DYNC2LI1: variants seen among roughly 807,000 people sequenced by gnomAD.
DYNC2LI1 encodes the protein cytoplasmic dynein 2 light intermediate chain 1.
Under a neutral mutation model 51.9 loss-of-function variants are expected in DYNC2LI1, and 45 were observed. That is an observed-to-expected ratio of 0.87 (90% CI 0.68 to 1.11). The LOEUF is 1.11. Among genes scored for constraint, DYNC2LI1 ranks in the 50% most tolerant of loss-of-function variants. The pLI, the probability that DYNC2LI1 is intolerant of heterozygous loss-of-function variation, is 0.00. For missense variants in DYNC2LI1, 490 were observed against 417.4 expected, an observed-to-expected ratio of 1.17 and a Z score of -1.51; for synonymous variants, 130 against 137.8, an observed-to-expected ratio of 0.94 and a Z score of 0.40.
intron 12 of DYNC2LI1, among the ~76,000 whole-genome samples, chr2:43,807,949 C>G (rs1666330597): frequency 6.6e-6 from 1 of 151,920 alleles, no homozygotes; most frequent in African/African-American, 2.4e-5. Flanking sequence ...TCCTTTTTCT[C>G]CCTCTGGCAT....
intron 9 of DYNC2LI1, 196 bp from the exon 10 acceptor site, chr2:43,801,441 TCC>T: frequency 7.2e-6 from 3 of 417,914 alleles, no homozygotes; most frequent in Non-Finnish European, 1.3e-5. Context: ...TCACTTTTTT[TCC>T]TATAAAATGT....
In DYNC2LI1 at chr2:43,776,780, A is replaced by G; in HGVS notation, c.9-2A>G. Reference sequence around the variant, plus strand: ...ATTTTGTTTTTTCTGCCTCTCATGTAGTGAAACTCTCTGGGAAATTGCAAA... The same window carrying G: ...ATTTTGTTTTTTCTGCCTCTCATGTGGTGAAACTCTCTGGGAAATTGCAAA... On this transcript the variant is annotated splice_acceptor_variant, in intron 1 of 12. Coordinates refer to ENST00000260605, the MANE Select transcript of DYNC2LI1 (RefSeq NM_016008.4). LOFTEE classifies it high-confidence loss of function. The G allele has an allele frequency of 5.2e-6, 8 of 1,527,846 alleles. No individual in the cohort carries two copies. Among genetic ancestry groups the G allele is most frequent in the Non-Finnish European group, 7.1e-6 (8 of 1,119,194 alleles). 94.6% of individuals were successfully genotyped at this position (1,527,846 alleles called of 1,614,324 possible).
intron 5 of DYNC2LI1, among the ~76,000 whole-genome samples, chr2:43,790,002 C>G (rs191084774): frequency 0.046 from 7,011 of 152,230 alleles, 321 homozygotes; most frequent in African/African-American, 0.11. Flanking sequence ...TACACTTGGG[C>G]AGTGAATTCA....
rs149205600 is a variant in DYNC2LI1 at position 43,793,051 on chromosome 2, T to C, written c.321-1406T>C. The C allele has an allele frequency of 2.3e-3, 681 of 293,582 alleles. 9 individuals are homozygous for C. The highest frequency in any genetic ancestry group is 0.014 in the African/African-American group (645 of 45,468). The allele number at this position is 293,582 out of a possible 1,614,324, so 18.2% of individuals were successfully genotyped here. On this transcript the variant is annotated intron_variant, in intron 5 of 12. Transcript: ENST00000260605. The stretch of plus-strand genomic sequence containing the variant: ...ATTGCTGGATCATCTGGTAATTCTA[T>C]GGTGAATTTTTTGAGGAATCACTAT...
At chr2:43,784,444 C>T (rs1298283139) in intron 3 of DYNC2LI1, among the ~76,000 whole-genome samples, 2 of 145,916 alleles carry the variant, frequency 1.4e-5, no homozygotes, top group African/African-American at 5.0e-5. Flanking sequence ...TTCTTTCTTT[C>T]TTTTTTTTTT....
chr2:43,813,331 G>A, downstream of DYNC2LI1: 1 of 1,542,984 alleles, frequency 6.5e-7, no homozygotes, highest in South Asian at 1.1e-5. Flanking sequence ...AAGATTGACA[G>A]TGTCAGGTGT....
the DYNC2LI1 span, among the ~76,000 whole-genome samples, chr2:43,817,439 C>T: frequency 1.3e-5 from 2 of 152,040 alleles, no homozygotes; most frequent in African/African-American, 2.4e-5. Context: ...GAGCCGAGAT[C>T]GTGCCATTGC....
intron 8 of DYNC2LI1, among the ~76,000 whole-genome samples, chr2:43,798,743 T>A (rs1572714588): frequency 1.3e-5 from 2 of 152,050 alleles, no homozygotes; most frequent in South Asian, 2.1e-4. Context: ...AGGAACAGGG[T>A]TTGGGTTAGT....
chr2:43,782,928 G>T (rs1409690862), intron 2 of DYNC2LI1, among the ~76,000 whole-genome samples: 1 of 152,140 alleles, frequency 6.6e-6, no homozygotes, highest in African/African-American at 2.4e-5. Flanking sequence ...GTTGCAGTGA[G>T]CCAAGATCAT....
the DYNC2LI1 span, among the ~76,000 whole-genome samples, chr2:43,815,998 G>T: frequency 6.6e-6 from 1 of 151,970 alleles, no homozygotes; most frequent in Non-Finnish European, 1.5e-5. Context: ...CCATGAGATG[G>T]TGGCTGCCTA....
intron 12 of DYNC2LI1, 57 bp downstream of exon 12, chr2:43,805,303 T>C (rs1362413293): frequency 1.8e-6 from 2 of 1,128,084 alleles, no homozygotes; most frequent in Admixed American, 1.9e-5. Flanking sequence ...AAACCTGGGG[T>C]GCCTTGGGAA....
At chr2:43,815,595 A>T in the DYNC2LI1 span, among the ~76,000 whole-genome samples, 1 of 152,202 alleles carries the variant, frequency 6.6e-6, no homozygotes, top group Non-Finnish European at 1.5e-5. Flanking sequence ...ATTGAAAAGG[A>T]TACGTGGGAC....
chr2:43,798,765 G>C (rs1040491860), intron 8 of DYNC2LI1, among the ~76,000 whole-genome samples: 4 of 152,146 alleles, frequency 2.6e-5, no homozygotes, highest in African/African-American at 9.7e-5. Flanking sequence ...GAGTACTTCT[G>C]GACCACCAAA....
chr2:43,826,300 A>G, the DYNC2LI1 span: 3 of 1,601,848 alleles, frequency 1.9e-6, no homozygotes, highest in Non-Finnish European at 2.6e-6. Context: ...GTGCCTGGCC[A>G]CTGGTACAAA....
At chr2:43,776,185 A>G (rs1264329164) in intron 1 of DYNC2LI1, among the ~76,000 whole-genome samples, 2 of 151,804 alleles carry the variant, frequency 1.3e-5, no homozygotes, top group Non-Finnish European at 2.9e-5. Context: ...TCCCTCCCCC[A>G]TGCTAATTTA....
intron 3 of DYNC2LI1, 68 bp downstream of exon 3, chr2:43,783,622 A>C (rs1044725629): frequency 9.7e-7 from 1 of 1,031,058 alleles, no homozygotes; most frequent in Non-Finnish European, 1.4e-6. Flanking sequence ...AGTTAGCTCT[A>C]AAAGACATAA....
chr2:43,799,823 TAA>T, intron 8 of DYNC2LI1, among the ~76,000 whole-genome samples: 1 of 152,324 alleles, frequency 6.6e-6, no homozygotes, highest in East Asian at 1.9e-4. Context: ...AAAATTCAGT[TAA>T]AGTTTTCTGT....
At chr2:43,782,662 C>T (rs972806152) in intron 2 of DYNC2LI1, among the ~76,000 whole-genome samples, 3 of 151,916 alleles carry the variant, frequency 2.0e-5, no homozygotes, top group Non-Finnish European at 4.4e-5. Context: ...GGAATTAGGC[C>T]AGAACTTGTA....
chr2:43,806,142 A>G (rs779514486), intron 12 of DYNC2LI1, among the ~76,000 whole-genome samples: 196 of 152,248 alleles, frequency 1.3e-3, no homozygotes, highest in Non-Finnish European at 1.8e-3. Flanking sequence ...TTGGCCTCCC[A>G]AAGTGCTGGG....
Sources: allele counts gnomAD v4.1 joint callset (sites outside exome capture counted in the v4.1 genomes callset), GRCh38; gene constraint gnomAD v4.1.1; transcripts MANE v1.5; gene names NCBI Gene and HGNC (gene_info 2026-07-23, HGNC 2026-07-21).